Variants in GTPBP10 observed in about 807,000 individuals in gnomAD.
GTPBP10 encodes the protein GTP binding protein 10.
GTPBP10 carries 38 observed loss-of-function variants against 44.8 expected under a neutral mutation model. The observed-to-expected ratio is 0.85, with a 90% CI of 0.65 to 1.11. The LOEUF is 1.11. Among genes scored for constraint, GTPBP10 ranks in the 50% most tolerant of loss-of-function variants. GTPBP10 has a pLI of 0.00. For missense variants in GTPBP10, 462 were observed against 453.7 expected, an observed-to-expected ratio of 1.02 and a Z score of -0.17; for synonymous variants, 152 against 150.6, an observed-to-expected ratio of 1.01 and a Z score of -0.07.
At chr7:90,362,854 T>C (rs1382625356) in intron 4 of GTPBP10, among the ~76,000 whole-genome samples, 1 of 152,252 alleles carries the variant, frequency 6.6e-6, no homozygotes, top group Non-Finnish European at 1.5e-5. Flanking sequence ...TAGTTAGCTC[T>C]TCTTGTTGAA....
chr7:90,374,244 G>T, intron 5 of GTPBP10, 58 bp from the exon 6 acceptor site: 1 of 1,132,428 alleles, frequency 8.8e-7, no homozygotes, highest in South Asian at 1.3e-5. Context: ...AGACAGTTTT[G>T]AGAGTACCAG....
chr7:90,365,069 G>T (rs545906983), intron 4 of GTPBP10, among the ~76,000 whole-genome samples: 1 of 152,278 alleles, frequency 6.6e-6, no homozygotes, highest in Admixed American at 6.5e-5. Flanking sequence ...CTGACCCCTT[G>T]CATTTCCCAA....
At position 90,390,804 on chromosome 7, in the gene GTPBP10, T is replaced by C. The variant is rs1796600538; in HGVS notation, c.*5650T>C. The C allele has an allele frequency of 6.6e-6, 1 of 152,214 alleles. No individual in the cohort carries two copies. The highest frequency in any genetic ancestry group is 1.5e-5 in the Non-Finnish European group (1 of 68,036). 9.4% of individuals were successfully genotyped at this position (152,214 alleles called of 1,614,324 possible). On this transcript the variant is annotated 3_prime_UTR_variant, in exon 10 of 10. Coordinates refer to ENST00000222511, the MANE Select transcript of GTPBP10 (RefSeq NM_033107.4). ...CTAGTTGGTTACCAAATACTGTTATTGGTATTATTTCTATATAAAAGGCTT... is the reference window on the plus strand; with the variant it reads ...CTAGTTGGTTACCAAATACTGTTATCGGTATTATTTCTATATAAAAGGCTT...
intron 1 of GTPBP10, among the ~76,000 whole-genome samples, chr7:90,348,400 A>G (rs1160939590): frequency 6.6e-6 from 1 of 152,206 alleles, no homozygotes; most frequent in African/African-American, 2.4e-5. Context: ...CTGATAACAT[A>G]AGCCGTCAGT....
chr7:90,369,795 C>T (rs2115712841), intron 4 of GTPBP10, among the ~76,000 whole-genome samples: 1 of 152,298 alleles, frequency 6.6e-6, no homozygotes, highest in Non-Finnish European at 1.5e-5. Context: ...AACGCCCCAC[C>T]CTGCTTTGGT....
chr7:90,357,308 T>G (rs1795922713), intron 4 of GTPBP10, among the ~76,000 whole-genome samples: 1 of 152,120 alleles, frequency 6.6e-6, no homozygotes, highest in South Asian at 2.1e-4. Flanking sequence ...TATGAAAATA[T>G]GAGGATGTTG....
At chr7:90,351,702 A>ATT (rs113531159) in intron 1 of GTPBP10, among the ~76,000 whole-genome samples, 4,284 of 148,220 alleles carry the variant, frequency 0.029, 77 homozygotes, top group African/African-American at 0.045. Flanking sequence ...TTTCATAAGC[A>ATT]TTTTTTTTTT....
intron 4 of GTPBP10, among the ~76,000 whole-genome samples, chr7:90,370,529 A>G (rs1281639794): frequency 6.6e-6 from 1 of 152,060 alleles, no homozygotes; most frequent in Non-Finnish European, 1.5e-5. Flanking sequence ...TATAATGGAC[A>G]TTGGAGACTC....
chr7:90,384,687 T>C (rs1441048226), intron 9 of GTPBP10, among the ~76,000 whole-genome samples: 4 of 152,122 alleles, frequency 2.6e-5, no homozygotes, highest in African/African-American at 9.7e-5. Flanking sequence ...TAAAATATAT[T>C]TATCTAACAA....
At chr7:90,349,074 A>G (rs942589497) in intron 1 of GTPBP10, among the ~76,000 whole-genome samples, 2 of 152,146 alleles carry the variant, frequency 1.3e-5, no homozygotes, top group Non-Finnish European at 2.9e-5. Flanking sequence ...AGCCTCTTTC[A>G]TGATTTCCTT....
intron 4 of GTPBP10, among the ~76,000 whole-genome samples, chr7:90,364,152 G>A (rs527628709): frequency 6.6e-6 from 1 of 152,296 alleles, no homozygotes; most frequent in South Asian, 2.1e-4. Context: ...GTCATTCTCT[G>A]TCCAGCTTTG....
At chr7:90,366,458 T>C (rs1796135930) in intron 4 of GTPBP10, among the ~76,000 whole-genome samples, 1 of 152,208 alleles carries the variant, frequency 6.6e-6, no homozygotes, top group East Asian at 1.9e-4. Context: ...TTTCAGGACC[T>C]GTTACTGGTC....
intron 4 of GTPBP10, among the ~76,000 whole-genome samples, chr7:90,364,222 A>G (rs1375872940): frequency 6.6e-6 from 1 of 152,044 alleles, no homozygotes; most frequent in Non-Finnish European, 1.5e-5. Flanking sequence ...TGATTTTTAG[A>G]ATTTTCAGCT....
At position 90,384,925 on chromosome 7, in the gene GTPBP10, C is replaced by T. The variant is rs757453617; in HGVS notation, c.935C>T (p.Pro312Leu). 5 of 1,602,812 alleles carry T rather than the reference C, an allele frequency of 3.1e-6. No individual in the cohort carries two copies. Among genetic ancestry groups the T allele is most frequent in the Non-Finnish European group, 4.3e-6 (5 of 1,175,444 alleles). The part of the protein sequence containing the change: ...FLHLFEKNMI[P>L]ERTVEFQHII... Reference sequence around the variant, plus strand: ...CATTTATTTGAAAAAAACATGATTCCAGAGAGGACTGTAGAGTTCCAACAT... The same window carrying T: ...CATTTATTTGAAAAAAACATGATTCTAGAGAGGACTGTAGAGTTCCAACAT... The change falls in exon 10 of 10, where the codon CCA (proline) becomes CTA (leucine). Residue 312 changes from proline to leucine, a missense_variant. Transcript: ENST00000222511.
intron 4 of GTPBP10, among the ~76,000 whole-genome samples, chr7:90,365,866 G>T (rs1017246558): frequency 1.3e-5 from 2 of 152,196 alleles, no homozygotes; most frequent in Non-Finnish European, 2.9e-5. Flanking sequence ...AATGCTTCCA[G>T]TTTTTCTTAT....
Position 90,385,452 on chromosome 7 carries a change from A to G in GTPBP10, c.*298A>G, listed in dbSNP as rs1297651931. ...ATCTGTTGTACAGCTTGGTGACTGTAATTAACAACAATGTATTTTGAAAGT... is the reference window on the plus strand; with the variant it reads ...ATCTGTTGTACAGCTTGGTGACTGTGATTAACAACAATGTATTTTGAAAGT... On this transcript the variant is annotated 3_prime_UTR_variant, in exon 10 of 10. Coordinates refer to ENST00000222511, the MANE Select transcript of GTPBP10 (RefSeq NM_033107.4). 4.8e-6 allele frequency: 1 copy of G among 206,310 alleles called. No homozygotes were observed. The highest frequency in any genetic ancestry group is 1.1e-4 in the East Asian group (1 of 9,126). The allele number at this position is 206,310 out of a possible 1,614,324, so 12.8% of individuals were successfully genotyped here.
At chr7:90,356,544 T>A (rs1795905094) in intron 4 of GTPBP10, among the ~76,000 whole-genome samples, 1 of 152,182 alleles carries the variant, frequency 6.6e-6, no homozygotes, top group Admixed American at 6.5e-5. Flanking sequence ...CAGGTTAGAC[T>A]ATTTAGGTTA....
intron 4 of GTPBP10, among the ~76,000 whole-genome samples, chr7:90,358,748 A>G (rs181310207): frequency 2.0e-4 from 31 of 152,338 alleles, no homozygotes; most frequent in Non-Finnish European, 3.7e-4. Flanking sequence ...ACAAAAATAC[A>G]TAAGTGGGAC....
At chr7:90,383,660 C>T (rs1018856718) in intron 9 of GTPBP10, 3 of 152,138 alleles carry the variant, frequency 2.0e-5, no homozygotes, top group African/African-American at 7.2e-5. Flanking sequence ...TGTAAAGTAA[C>T]TTAAAGGGAT....
Sources: gnomAD v4.1 joint callset for allele counts (sites outside exome capture counted in the v4.1 genomes callset) on GRCh38, gnomAD v4.1.1 for gene constraint, MANE v1.5 for transcripts, NCBI Gene and HGNC (gene_info 2026-07-23, HGNC 2026-07-21) for gene names.